ING3: variants seen among roughly 807,000 people sequenced by gnomAD.
The protein encoded by ING3 is inhibitor of growth protein 3.
In ING3, 6 loss-of-function variants were observed where a neutral mutation model predicts 64.8. That is an observed-to-expected ratio of 0.09 (90% CI 0.05 to 0.18). The LOEUF (loss-of-function observed/expected upper bound fraction) is 0.18, where lower values mean the gene tolerates loss of function less well. Ranked by LOEUF, ING3 falls within the 10% of genes least tolerant of loss-of-function variation. ING3 has a pLI of 1.00. For missense variants in ING3, 310 were observed against 489.7 expected (o/e 0.63, Z 3.46); for synonymous variants, 170 against 173.7 (o/e 0.98, Z 0.17).
chr7:120,967,759 T>C (rs1019458907), intron 7 of ING3, 111 bp downstream of exon 7: 7 of 1,302,488 alleles, frequency 5.4e-6, no homozygotes, highest in Non-Finnish European at 7.4e-6. Context: ...GGTTAAAGTA[T>C]ACATATGGAG....
At chr7:120,963,454 A>C (rs190801481) in intron 4 of ING3, among the ~76,000 whole-genome samples, 1 of 151,930 alleles carries the variant, frequency 6.6e-6, no homozygotes, top group Non-Finnish European at 1.5e-5. Context: ...CAAAAAAAAA[A>C]CAGTTGTTTT....
At chr7:120,960,881 T>C (rs1011423987) in intron 4 of ING3, among the ~76,000 whole-genome samples, 4 of 152,202 alleles carry the variant, frequency 2.6e-5, no homozygotes, top group Admixed American at 6.5e-5. Flanking sequence ...TAAGGATGTA[T>C]TGGATTGCAA....
intron 3 of ING3, 116 bp downstream of exon 3, chr7:120,953,520 T>G: frequency 1.6e-6 from 1 of 621,964 alleles, no homozygotes; most frequent in Non-Finnish European, 2.8e-6. Context: ...CAATGACTCC[T>G]TAGAATATAA....
intron 10 of ING3, among the ~76,000 whole-genome samples, chr7:120,971,110 T>C (rs1796064977): frequency 6.6e-6 from 1 of 152,214 alleles, no homozygotes; most frequent in Non-Finnish European, 1.5e-5. Context: ...ATTTTTGGTA[T>C]ACCACTACCA....
In ING3 at chr7:120,976,418, A is replaced by G. The variant is rs867098444; in HGVS notation, c.*1574A>G. 1 of 152,128 alleles carries G rather than the reference A, an allele frequency of 6.6e-6. No homozygotes were observed. The highest frequency in any genetic ancestry group is 1.5e-5 in the Non-Finnish European group (1 of 68,012). 9.4% of individuals were successfully genotyped at this position (152,128 alleles called of 1,614,324 possible). A position where few individuals can be genotyped will look rare whatever the true frequency, so the allele number is the denominator to read the frequency against. On this transcript the variant is annotated 3_prime_UTR_variant, in exon 12 of 12. Transcript: ENST00000315870. ...TGAGATCCCATGATTCTGAGCTGCC[A>G]CAGTCTGATTATACAACTCTACCAG...
chr7:120,953,417 CT>C lies in ING3; in HGVS notation c.201+16del, dbSNP rs1795797506. On this transcript the variant is annotated intron_variant, in intron 3 of 11. Coordinates refer to ENST00000315870, the MANE Select transcript of ING3 (RefSeq NM_019071.3). ...ATCCATCAAAAAAGTATGTGCAACA[CT>C]TTGGATAATTTATCAAGAAATATTG... The C allele has an allele frequency of 6.7e-7, 1 of 1,482,512 alleles. No homozygotes were observed. Among genetic ancestry groups the C allele is most frequent in the African/African-American group, 1.4e-5 (1 of 71,618 alleles). The allele number at this position is 1,482,512 out of a possible 1,614,324, so 91.8% of individuals were successfully genotyped here.
intron 4 of ING3, among the ~76,000 whole-genome samples, chr7:120,964,441 C>T (rs1485454035): frequency 6.6e-6 from 1 of 152,026 alleles, no homozygotes; most frequent in Non-Finnish European, 1.5e-5. Flanking sequence ...TTCTCTAATC[C>T]CTAATCAGTT....
At chr7:120,956,224 A>C (rs2116656280) in intron 4 of ING3, 1 of 1,597,406 alleles carries the variant, frequency 6.3e-7, no homozygotes, top group Admixed American at 1.7e-5. Flanking sequence ...TCTCATATTG[A>C]TGCAATTGTG....
chr7:120,951,071 G>A (rs1303477808), intron 1 of ING3, 93 bp from the exon 2 acceptor site: 6 of 1,520,068 alleles, frequency 3.9e-6, no homozygotes, highest in Non-Finnish European at 5.5e-6. Flanking sequence ...GTGGGCTGCC[G>A]GCCCCCTCGA....
intron 10 of ING3, among the ~76,000 whole-genome samples, chr7:120,971,420 C>T (rs1446878460): frequency 6.6e-6 from 1 of 152,178 alleles, no homozygotes; most frequent in Non-Finnish European, 1.5e-5. Context: ...CCTCACAGGC[C>T]CTGTTTCCAA....
At chr7:120,967,817 A>G (rs2116682182) in intron 7 of ING3, 117 bp from the exon 8 acceptor site, 1 of 1,248,900 alleles carries the variant, frequency 8.0e-7, no homozygotes, top group Admixed American at 2.2e-5. Flanking sequence ...GACTTAATGT[A>G]CAAGTGACAT....
chr7:120,965,389 T>C (rs1795984512), intron 5 of ING3, among the ~76,000 whole-genome samples: 1 of 152,218 alleles, frequency 6.6e-6, no homozygotes, highest in Non-Finnish European at 1.5e-5. Flanking sequence ...TGCTATAACT[T>C]ACCCCTGTCA....
Position 120,975,043 on chromosome 7 carries a change from C to T in ING3, c.*199C>T. On this transcript the variant is annotated 3_prime_UTR_variant, in exon 12 of 12. Coordinates refer to ENST00000315870, the MANE Select transcript of ING3 (RefSeq NM_019071.3). ...AATGTAAGTAAATTATTTATGCACT[C>T]CTGGTGTGCTATGAATATTATTCCA... is the stretch of plus-strand genomic sequence containing the variant. 1 of 346,516 alleles carries T rather than the reference C, an allele frequency of 2.9e-6. No homozygotes were observed. Among genetic ancestry groups the T allele is most frequent in the Non-Finnish European group, 5.4e-6 (1 of 184,578 alleles). The allele number at this position is 346,516 out of a possible 1,614,324, so 21.5% of individuals were successfully genotyped here.
intron 4 of ING3, among the ~76,000 whole-genome samples, chr7:120,957,939 A>G (rs2248890): frequency 0.39 from 59,899 of 152,030 alleles, 14,731 homozygotes; most frequent in African/African-American, 0.7. Context: ...TACCTTACTG[A>G]AGGGTTTGCA....
At chr7:120,961,336 C>G (rs1048915267) in intron 4 of ING3, among the ~76,000 whole-genome samples, 1 of 152,156 alleles carries the variant, frequency 6.6e-6, no homozygotes, top group African/African-American at 2.4e-5. Context: ...TCTTTACTCG[C>G]TATTACTAGA....
At chr7:120,971,570 T>G (rs1268019312) in intron 10 of ING3, among the ~76,000 whole-genome samples, 1 of 152,196 alleles carries the variant, frequency 6.6e-6, no homozygotes, top group Non-Finnish European at 1.5e-5. Context: ...TACTTTCTTG[T>G]TACTGGCTTT....
At chr7:120,956,231 T>A in intron 4 of ING3, 1 of 1,583,522 alleles carries the variant, frequency 6.3e-7, no homozygotes, top group Non-Finnish European at 8.6e-7. Context: ...TTGATGCAAT[T>A]GTGGTGCTCT....
intron 4 of ING3, chr7:120,956,952 A>G: frequency 9.3e-6 from 4 of 431,412 alleles, no homozygotes; most frequent in Non-Finnish European, 1.2e-5. Flanking sequence ...TAGAAAAAAT[A>G]TAACATAAAT....
At position 120,967,804 on chromosome 7, in the gene ING3, G is replaced by A. The variant is rs559327444; in HGVS notation, c.557-130G>A. ...AAAGGAAAACCAAATACATTATTCA[G>A]TTGACTTAATGTACAAGTGACATTA... On this transcript the variant is annotated intron_variant, in intron 7 of 11. Coordinates refer to ENST00000315870, the MANE Select transcript of ING3 (RefSeq NM_019071.3). 52 of 1,226,490 alleles carry A rather than the reference G, an allele frequency of 4.2e-5. No individual in the cohort carries two copies. In the African/African-American group the frequency reaches 7.1e-4, roughly 17 times the overall value. The allele number at this position is 1,226,490 out of a possible 1,614,324, so 76.0% of individuals were successfully genotyped here. A position where few individuals can be genotyped will look rare whatever the true frequency, so the allele number is the denominator to read the frequency against.
Sources: gnomAD v4.1 joint callset for allele counts (sites outside exome capture counted in the v4.1 genomes callset) on GRCh38, gnomAD v4.1.1 for gene constraint, MANE v1.5 for transcripts, NCBI Gene and HGNC (gene_info 2026-07-23, HGNC 2026-07-21) for gene names.